Variants in RBFOX1 observed in about 807,000 individuals in gnomAD.
RBFOX1 encodes RNA binding fox-1 homolog 1.
A neutral mutation model predicts 57.7 loss-of-function variants in RBFOX1; 8 were observed. The observed-to-expected ratio is 0.14, with a 90% CI of 0.08 to 0.25. The LOEUF is 0.25. Among genes scored for constraint, RBFOX1 ranks in the 10% least tolerant of loss-of-function variants. The probability of loss-of-function intolerance (pLI) is 1.00; values close to 1 mark genes in which losing one functional copy is unlikely to be tolerated. For missense variants in RBFOX1, 611 were observed against 548.5 expected (o/e 1.11, Z -1.14); for synonymous variants, 326 against 222.4 (o/e 1.47, Z -4.15).
chr16:6,324,523 C>A (rs2082156451), intron 2 of RBFOX1, among the ~76,000 whole-genome samples: 1 of 152,096 alleles, frequency 6.6e-6, no homozygotes, highest in Non-Finnish European at 1.5e-5. Context: ...ATGGCCAGAG[C>A]AGGAACAAGA....
intron 1 of RBFOX1, among the ~76,000 whole-genome samples, chr16:6,288,248 A>G (rs1387218033): frequency 6.7e-6 from 1 of 149,520 alleles, no homozygotes; most frequent in Admixed American, 6.7e-5. Flanking sequence ...CGGTTTTTTT[A>G]TAGCGATGTT....
intron 2 of RBFOX1, among the ~76,000 whole-genome samples, chr16:6,475,098 G>A (rs555679200): frequency 1.8e-4 from 27 of 152,324 alleles, no homozygotes; most frequent in African/African-American, 6.3e-4. Context: ...GAAAATGTCT[G>A]AAGTGGATAG....
intron 2 of RBFOX1, among the ~76,000 whole-genome samples, chr16:6,363,434 A>T (rs2088983739): frequency 6.6e-6 from 1 of 152,350 alleles, no homozygotes. Flanking sequence ...AATACTGTCA[A>T]AGGGACTGGA....
At chr16:6,381,049 G>C (rs1011256490) in intron 2 of RBFOX1, among the ~76,000 whole-genome samples, 3 of 152,202 alleles carry the variant, frequency 2.0e-5, no homozygotes, top group African/African-American at 7.2e-5. Context: ...GCAGGTCAGA[G>C]AGGAGATGCC....
At chr16:6,879,366 C>G (rs1170754163) in intron 3 of RBFOX1, among the ~76,000 whole-genome samples, 1 of 152,174 alleles carries the variant, frequency 6.6e-6, no homozygotes, top group Non-Finnish European at 1.5e-5. Context: ...CTAATTTCAT[C>G]TCTCTCTCTG....
chr16:6,586,906 G>T (rs1168052118), intron 2 of RBFOX1, among the ~76,000 whole-genome samples: 1 of 152,052 alleles, frequency 6.6e-6, no homozygotes, highest in South Asian at 2.1e-4. Flanking sequence ...ACTAAAAATT[G>T]TATATTATGT....
intron 3 of RBFOX1, among the ~76,000 whole-genome samples, chr16:5,828,391 C>G (rs2056148250): frequency 6.6e-6 from 1 of 152,142 alleles, no homozygotes; most frequent in African/African-American, 2.4e-5. Context: ...TGAGTGACAT[C>G]TTAATCTAGA....
chr16:7,037,608 G>A (rs907391290), intron 3 of RBFOX1, among the ~76,000 whole-genome samples: 2 of 152,154 alleles, frequency 1.3e-5, no homozygotes, highest in African/African-American at 2.4e-5. Context: ...TAGTGAAAAG[G>A]CACGTTATAT....
chr16:6,313,785 G>A (rs1161194137), intron 1 of RBFOX1, among the ~76,000 whole-genome samples: 1 of 150,622 alleles, frequency 6.6e-6, no homozygotes, highest in Non-Finnish European at 1.5e-5. Context: ...TGCTCTTCAC[G>A]TAGTTTGCAA....
intron 3 of RBFOX1, among the ~76,000 whole-genome samples, chr16:6,989,231 T>A (rs956319393): frequency 1.2e-4 from 19 of 152,124 alleles, no homozygotes; most frequent in African/African-American, 4.1e-4. Flanking sequence ...ATTAGAAAAA[T>A]TTTAATTGCA....
At chr16:6,089,718 G>A (rs1028673013) in intron 1 of RBFOX1, among the ~76,000 whole-genome samples, 3 of 152,136 alleles carry the variant, frequency 2.0e-5, no homozygotes, top group Non-Finnish European at 2.9e-5. Flanking sequence ...AAGCACAAAC[G>A]GGTAAGTCAC....
rs2083951367 is a variant in RBFOX1 at position 7,711,183 on chromosome 16, G to GGTTGGGAGGGGCTTAGGGGATTGGAACT, written c.*440_*467dup. On this transcript the variant is annotated 3_prime_UTR_variant, in exon 16 of 16. Transcript: ENST00000550418. ...CATTATTTTATTTTGCGAAAGGGGA[G>GGTTGGGAGGGGCTTAGGGGATTGGAACT]GTTGGGAGGGGCTTAGGGGATTGGA... 1 of 152,254 alleles carries GGTTGGGAGGGGCTTAGGGGATTGGAACT rather than the reference G, an allele frequency of 6.6e-6. No homozygotes were observed. Among genetic ancestry groups the GGTTGGGAGGGGCTTAGGGGATTGGAACT allele is most frequent in the African/African-American group, 2.4e-5 (1 of 41,290 alleles). The allele number at this position is 152,254 out of a possible 1,614,324, so 9.4% of individuals were successfully genotyped here.
chr16:5,671,754 G>T (rs905157440), intron 3 of RBFOX1, among the ~76,000 whole-genome samples: 4 of 152,186 alleles, frequency 2.6e-5, no homozygotes, highest in South Asian at 2.1e-4. Context: ...ATTCAGAGCT[G>T]CCCAGAGAGA....
intron 4 of RBFOX1, among the ~76,000 whole-genome samples, chr16:7,323,629 C>G (rs1192166709): frequency 6.6e-6 from 1 of 152,200 alleles, no homozygotes; most frequent in East Asian, 1.9e-4. Flanking sequence ...CTCTCATGGT[C>G]TCAGTGTTCT....
At chr16:5,807,905 A>T (rs977024080) in intron 3 of RBFOX1, among the ~76,000 whole-genome samples, 7 of 152,228 alleles carry the variant, frequency 4.6e-5, no homozygotes, top group Admixed American at 1.3e-4. Flanking sequence ...TTCCAGAACC[A>T]CATCCACCCC....
At chr16:5,890,636 G>A (rs2058024238) in intron 4 of RBFOX1, among the ~76,000 whole-genome samples, 1 of 146,796 alleles carries the variant, frequency 6.8e-6, no homozygotes, top group Non-Finnish European at 1.5e-5. Context: ...GGTGGAGATT[G>A]CAGTGAGCCG....
intron 2 of RBFOX1, among the ~76,000 whole-genome samples, chr16:6,488,988 A>G (rs1481162035): frequency 6.6e-6 from 1 of 152,206 alleles, no homozygotes; most frequent in Non-Finnish European, 1.5e-5. Flanking sequence ...GACTAGGATC[A>G]TGATGCAAAA....
intron 2 of RBFOX1, among the ~76,000 whole-genome samples, chr16:6,370,622 TACCTAGG>T (rs2090296234): frequency 6.6e-6 from 1 of 152,114 alleles, no homozygotes; most frequent in South Asian, 2.1e-4. Context: ...TTATTTCAGG[TACCTAGG>T]ATAGTCAAAT....
At chr16:6,877,469 T>G (rs8059403) in intron 3 of RBFOX1, among the ~76,000 whole-genome samples, 37,709 of 152,032 alleles carry the variant, frequency 0.25, 4,861 homozygotes, top group African/African-American at 0.31. Flanking sequence ...GACTTCTGCT[T>G]GATATCAGAC....
Sources: allele counts gnomAD v4.1 joint callset (sites outside exome capture counted in the v4.1 genomes callset), GRCh38; gene constraint gnomAD v4.1.1; transcripts MANE v1.5; gene names NCBI Gene and HGNC (gene_info 2026-07-23, HGNC 2026-07-21).